Variants in TUBGCP3 observed in about 807,000 individuals in gnomAD.
TUBGCP3 encodes gamma-tubulin complex component 3.
Under a neutral mutation model 123.1 loss-of-function variants are expected in TUBGCP3, and 50 were observed. That is an observed-to-expected ratio of 0.41 (90% CI 0.32 to 0.51). The LOEUF is 0.51. TUBGCP3 is among the 20% of genes least tolerant of loss of function. The pLI, the probability that TUBGCP3 is intolerant of heterozygous loss-of-function variation, is 0.36. For missense variants in TUBGCP3, 882 were observed against 1,127.0 expected (o/e 0.78, Z 3.11); for synonymous variants, 405 against 413.9 (o/e 0.98, Z 0.26).
At chr13:112,577,632 CATT>C (rs1325207457) in intron 1 of TUBGCP3, among the ~76,000 whole-genome samples, 5 of 152,096 alleles carry the variant, frequency 3.3e-5, no homozygotes, top group Admixed American at 6.5e-5. Context: ...ACTAGTGTAT[CATT>C]ATTAATTAAT....
intron 17 of TUBGCP3, among the ~76,000 whole-genome samples, chr13:112,505,545 T>C (rs762897682): frequency 8.5e-5 from 13 of 152,236 alleles, no homozygotes; most frequent in Non-Finnish European, 1.3e-4. Flanking sequence ...AGCCTCTTTA[T>C]AGAGGTGTGT....
At chr13:112,562,751 C>T (rs901008441) in intron 3 of TUBGCP3, among the ~76,000 whole-genome samples, 8 of 152,162 alleles carry the variant, frequency 5.3e-5, no homozygotes, top group African/African-American at 1.7e-4. Flanking sequence ...ACTACAGGAC[C>T]GCAAGTTCAG....
At chr13:112,582,232 A>C (rs1208328829) in intron 1 of TUBGCP3, among the ~76,000 whole-genome samples, 3 of 152,370 alleles carry the variant, frequency 2.0e-5, no homozygotes, top group Non-Finnish European at 2.9e-5. Context: ...TTCAGTGTTT[A>C]AAGTATAACT....
Position 112,504,664 on chromosome 13 carries a change from G to T in TUBGCP3, c.2137C>A (p.His713Asn). ...QCHILASEMV[H>N]FIHQMQYYIT... ...TAATACTGCATCTGATGAATGAAATGGACCATCTCAGAGGCCAAAATGTGA... is the reference window on the plus strand; with the variant it reads ...TAATACTGCATCTGATGAATGAAATTGACCATCTCAGAGGCCAAAATGTGA... Residue 713 changes from histidine to asparagine, a missense_variant, in exon 18 of 22, where the codon CAT becomes AAT. His to Asn is a moderately conservative substitution (Grantham distance 68). This residue lies in a region of TUBGCP3 where 9 missense variants were observed against 32.7 expected (regional missense o/e 0.28). Coordinates refer to ENST00000261965, the MANE Select transcript of TUBGCP3 (RefSeq NM_006322.6). The T allele has an allele frequency of 6.2e-7, 1 of 1,613,836 alleles. No individual in the cohort carries two copies. Among genetic ancestry groups the T allele is most frequent in the South Asian group, 1.1e-5 (1 of 91,024 alleles).
intron 5 of TUBGCP3, among the ~76,000 whole-genome samples, chr13:112,556,557 C>A (rs1027909822): frequency 4.6e-5 from 7 of 152,044 alleles, no homozygotes; most frequent in Middle Eastern, 3.2e-3. Context: ...ACATACCTTA[C>A]CCACCCCATA....
chr13:112,512,343 G>A (rs566344012), intron 17 of TUBGCP3, among the ~76,000 whole-genome samples: 10 of 149,108 alleles, frequency 6.7e-5, no homozygotes, highest in Admixed American at 2.7e-4. Context: ...AATGAGAATC[G>A]CTTGATCCTG....
At chr13:112,502,549 T>TC (rs1469178726) in intron 19 of TUBGCP3, among the ~76,000 whole-genome samples, 1 of 148,218 alleles carries the variant, frequency 6.7e-6, no homozygotes, top group East Asian at 1.9e-4. Flanking sequence ...CTTCTTTTTT[T>TC]TTTTTTTTTT....
intron 3 of TUBGCP3, among the ~76,000 whole-genome samples, chr13:112,561,982 C>G (rs79605056): frequency 0.012 from 1,808 of 152,280 alleles, 14 homozygotes; most frequent in Non-Finnish European, 0.016. Context: ...TGCTGAAAAC[C>G]ATTTGATACG....
intron 13 of TUBGCP3, among the ~76,000 whole-genome samples, chr13:112,522,993 A>C (rs1257035076): frequency 6.6e-6 from 1 of 152,206 alleles, no homozygotes; most frequent in East Asian, 1.9e-4. Flanking sequence ...TAGGGGACAA[A>C]ACCAGATTGT....
At chr13:112,530,563 G>A (rs948045541) in intron 11 of TUBGCP3, among the ~76,000 whole-genome samples, 4 of 152,228 alleles carry the variant, frequency 2.6e-5, no homozygotes, top group African/African-American at 7.2e-5. Flanking sequence ...CGGGAGGCCC[G>A]CTTTCTCAAC....
intron 1 of TUBGCP3, among the ~76,000 whole-genome samples, chr13:112,572,599 T>C (rs910419161): frequency 2.6e-5 from 4 of 152,084 alleles, no homozygotes; most frequent in Non-Finnish European, 4.4e-5. Context: ...TTCAATATTG[T>C]TGTGACTCAG....
upstream of TUBGCP3, among the ~76,000 whole-genome samples, chr13:112,592,999 T>C (rs1051732670): frequency 1.3e-5 from 2 of 152,220 alleles, no homozygotes; most frequent in African/African-American, 4.8e-5. The surrounding 1 kb of genome is among the most constrained non-coding windows in gnomAD (Gnocchi z 4.1). Flanking sequence ...ATTGACGGGA[T>C]GCTGCTAAGT....
At chr13:112,533,430 T>C (rs1877758530) in intron 11 of TUBGCP3, among the ~76,000 whole-genome samples, 2 of 152,138 alleles carry the variant, frequency 1.3e-5, no homozygotes, top group Admixed American at 6.5e-5. Flanking sequence ...CTGTTCCAAC[T>C]TGGGCCTCCC....
intron 3 of TUBGCP3, among the ~76,000 whole-genome samples, chr13:112,560,312 C>T (rs932957257): frequency 6.6e-6 from 1 of 151,048 alleles, no homozygotes; most frequent in African/African-American, 2.4e-5. Flanking sequence ...CGCCTGTAGT[C>T]CCAGCTACTT....
intron 12 of TUBGCP3, 47 bp from the exon 13 acceptor site, chr13:112,527,097 G>T: frequency 6.7e-7 from 1 of 1,485,422 alleles, no homozygotes; most frequent in Non-Finnish European, 9.3e-7. Flanking sequence ...AATTTAAAAC[G>T]ACTGCCCAAA....
intron 1 of TUBGCP3, among the ~76,000 whole-genome samples, chr13:112,577,444 C>T (rs1026616571): frequency 1.3e-5 from 2 of 151,884 alleles, no homozygotes; most frequent in African/African-American, 4.8e-5. Context: ...TACTAATAAC[C>T]TTTAATCCTC....
In TUBGCP3 at chr13:112,545,719, G is replaced by C; in HGVS notation, c.1315C>G (p.Leu439Val). The C allele has an allele frequency of 6.2e-7, 1 of 1,613,770 alleles. No homozygotes were observed. Among genetic ancestry groups the C allele is most frequent in the African/African-American group, 1.3e-5 (1 of 75,032 alleles). The change falls in exon 11 of 22, where the codon CTT becomes GTT. Residue 439 changes from leucine (L) to valine (V), a missense_variant. This residue lies in a region of TUBGCP3 where 713 missense variants were observed against 874.0 expected (regional missense o/e 0.82). Transcript: ENST00000261965. This position sits in a 1 kb window ranked among gnomAD's most constrained non-coding sequence, Gnocchi z 4.1. ...CTTACTTCGTGGTAAGTGTCCTCAA[G>C]CTCCCCATCATATATCCAGCGGTAC... The part of the protein sequence containing the change: ...FLYRWIYDGE[L>V]EDTYHEFFVA...
At chr13:112,486,668 T>C (rs1879692594) in intron 21 of TUBGCP3, among the ~76,000 whole-genome samples, 1 of 152,234 alleles carries the variant, frequency 6.6e-6, no homozygotes, top group African/African-American at 2.4e-5. Context: ...GGCATCGCCA[T>C]CATCCTGTTA....
chr13:112,547,538 A>ACG, intron 10 of TUBGCP3, 82 bp downstream of exon 10: 1 of 1,242,964 alleles, frequency 8.0e-7, no homozygotes, highest in Non-Finnish European at 1.0e-6. Flanking sequence ...AAAGACGTGC[A>ACG]TGGGAAAGTC....
Sources: gnomAD v4.1 joint callset for allele counts (sites outside exome capture counted in the v4.1 genomes callset) on GRCh38, gnomAD v4.1.1 for gene constraint, gnomAD v4.1.1 regional missense constraint, Gnocchi (gnomAD v3.1) non-coding constraint, MANE v1.5 for transcripts, NCBI Gene and HGNC (gene_info 2026-07-23, HGNC 2026-07-21) for gene names.